RPS6KA3: variants seen among roughly 807,000 people sequenced by gnomAD.
RPS6KA3 encodes ribosomal protein S6 kinase A3.
RPS6KA3 carries 4 observed loss-of-function variants against 67.2 expected under a neutral mutation model. That is an observed-to-expected ratio of 0.06 (90% confidence interval 0.03 to 0.14). RPS6KA3 has a LOEUF of 0.14. RPS6KA3 is among the 10% of genes least tolerant of loss of function. The pLI, the probability that RPS6KA3 is intolerant of heterozygous loss-of-function variation, is 1.00. For synonymous variants in RPS6KA3, 182 were observed against 183.7 expected, an observed-to-expected ratio of 0.99 and a Z score of 0.07; for missense variants, 204 against 559.0, an observed-to-expected ratio of 0.36 and a Z score of 6.40.
chrX:20,245,719 T>C (rs1455823277), intron 1 of RPS6KA3, among the ~76,000 whole-genome samples: 1 of 111,702 alleles, frequency 9.0e-6, no homozygotes, highest in Non-Finnish European at 1.9e-5. Flanking sequence ...GTTAAAGATA[T>C]ATTACCTGGA....
Position 20,165,006 on chromosome X carries a change from T to C in RPS6KA3, c.1657A>G (p.Asn553Asp). ...SNILYVDESG[N>D]PESIRICDFG... ...TCACAAATTCGAATAGATTCCGGAT[T>C]ACCAGATTCATCCACATAAAGAATG... Residue 553 changes from asparagine (N) to aspartate (D), a missense_variant, in exon 18 of 22, where the codon AAT (asparagine) becomes GAT (aspartate). By Grantham distance (23) the Asn-to-Asp change is conservative. Transcript: ENST00000379565. 1 of 1,204,476 alleles carries C rather than the reference T, an allele frequency of 8.3e-7. No individual in the cohort carries two copies. The highest frequency in any genetic ancestry group is 1.8e-5 in the South Asian group (1 of 56,851).
intron 1 of RPS6KA3, among the ~76,000 whole-genome samples, chrX:20,251,422 G>T (rs961545507): frequency 5.3e-5 from 6 of 112,913 alleles, no homozygotes; most frequent in Non-Finnish European, 9.4e-5. Flanking sequence ...GATTATAGGC[G>T]TAAGCCCCTC....
At chrX:20,211,448 T>C (rs966924703) in intron 2 of RPS6KA3, among the ~76,000 whole-genome samples, 5 of 110,235 alleles carry the variant, frequency 4.5e-5, no homozygotes, top group African/African-American at 1.3e-4. Flanking sequence ...AGGAAACCTA[T>C]AGGCTTATGA....
At chrX:20,234,000 T>C (rs1250792871) in intron 2 of RPS6KA3, among the ~76,000 whole-genome samples, 1 of 112,228 alleles carries the variant, frequency 8.9e-6, no homozygotes, top group African/African-American at 3.2e-5. Context: ...TTAATGAGTA[T>C]CCATTATGTG....
chrX:20,247,051 A>G (rs767787728), intron 1 of RPS6KA3, among the ~76,000 whole-genome samples: 1 of 112,631 alleles, frequency 8.9e-6, no homozygotes, highest in African/African-American at 3.2e-5. Context: ...TAATTTCTGA[A>G]AAGATAACCA....
At chrX:20,166,498 G>A (rs1461249580) in intron 17 of RPS6KA3, among the ~76,000 whole-genome samples, 1 of 111,324 alleles carries the variant, frequency 9.0e-6, no homozygotes, top group African/African-American at 3.3e-5. Flanking sequence ...CAAAAAGAAT[G>A]TATTGAAACT....
intron 17 of RPS6KA3, among the ~76,000 whole-genome samples, chrX:20,166,869 C>A (rs540889554): frequency 2.7e-5 from 3 of 110,117 alleles, no homozygotes; most frequent in African/African-American, 9.9e-5. Context: ...AGGCATGAGC[C>A]ATGACGCCCG....
chrX:20,222,682 T>C (rs1342600978), intron 2 of RPS6KA3, among the ~76,000 whole-genome samples: 4 of 111,875 alleles, frequency 3.6e-5, no homozygotes, highest in African/African-American at 9.7e-5. Flanking sequence ...AGAAATAACA[T>C]TGGTTATTGA....
At position 20,164,995 on chromosome X, in the gene RPS6KA3, A is replaced by C; in HGVS notation, c.1668T>G (p.Ser556=). 1 of 1,205,157 alleles carries C rather than the reference A, an allele frequency of 8.3e-7. No homozygotes were observed. The highest frequency in any genetic ancestry group is 1.1e-6 in the Non-Finnish European group (1 of 889,401). ...LYVDESGNPE[S]IRICDFGFAK... The stretch of plus-strand genomic sequence containing the variant: ...CAAAGCCAAAATCACAAATTCGAAT[A>C]GATTCCGGATTACCAGATTCATCCA... The change falls in exon 18 of 22, where the codon TCT becomes TCG. Residue 556 remains serine, a synonymous_variant. Transcript: ENST00000379565.
chrX:20,160,689 A>G (rs1257281844), intron 20 of RPS6KA3, among the ~76,000 whole-genome samples: 1 of 111,849 alleles, frequency 8.9e-6, no homozygotes, highest in Non-Finnish European at 1.9e-5. Context: ...TCGGCCTCCC[A>G]AAGTGTTAGG....
chrX:20,249,247 ATAGTACAAATAAAGCTGC>A (rs1370686347), intron 1 of RPS6KA3, among the ~76,000 whole-genome samples: 3 of 112,129 alleles, frequency 2.7e-5, no homozygotes, highest in Non-Finnish European at 5.6e-5. Context: ...TAATTTTTGG[ATAGTACAAATAAAGCTGC>A]TAGGAACATC....
At chrX:20,163,591 C>T (rs893009583) in intron 18 of RPS6KA3, among the ~76,000 whole-genome samples, 12 of 111,489 alleles carry the variant, frequency 1.1e-4, no homozygotes, top group African/African-American at 3.9e-4. Context: ...CAGTCCAGCA[C>T]TTTGGGAGGC....
intron 5 of RPS6KA3, among the ~76,000 whole-genome samples, chrX:20,194,812 A>T (rs1192416486): frequency 9.0e-6 from 1 of 111,174 alleles, no homozygotes; most frequent in Non-Finnish European, 1.9e-5. Context: ...TAAAAAAGCA[A>T]TAATTATCAT....
At chrX:20,212,147 C>T (rs1252912982) in intron 2 of RPS6KA3, among the ~76,000 whole-genome samples, 1 of 111,631 alleles carries the variant, frequency 9.0e-6, no homozygotes, top group Non-Finnish European at 1.9e-5. Context: ...ACAATTACTA[C>T]TCTCATCTTT....
intron 2 of RPS6KA3, among the ~76,000 whole-genome samples, chrX:20,222,571 A>G (rs1186007875): frequency 1.8e-5 from 2 of 112,031 alleles, no homozygotes; most frequent in African/African-American, 6.5e-5. Flanking sequence ...ATCTATTGCC[A>G]TAAGACTGGT....
In RPS6KA3 at chrX:20,164,929, A is replaced by G. The variant is rs1457939217; in HGVS notation, c.1734T>C (p.Pro578=). 1 of 1,209,953 alleles carries G rather than the reference A, an allele frequency of 8.3e-7. No homozygotes were observed. The highest frequency in any genetic ancestry group is 1.1e-6 in the Non-Finnish European group (1 of 893,801). The change falls in exon 18 of 22, where the codon CCT becomes CCC. Residue 578 remains proline (P), a synonymous_variant. Coordinates refer to ENST00000379565, the MANE Select transcript of RPS6KA3 (RefSeq NM_004586.3). ...GTGCAACAAAATTTGCAGTGTAACA[A>G]GGAGTCATGAGAAGACCATTTTCCG... The part of the protein sequence containing the change: ...LRAENGLLMT[P]CYTANFVAPE...
intron 3 of RPS6KA3, among the ~76,000 whole-genome samples, chrX:20,209,054 T>C (rs989134990): frequency 8.9e-6 from 1 of 111,791 alleles, no homozygotes; most frequent in African/African-American, 3.3e-5. Context: ...AGAGGTCATG[T>C]GCTCTTGAAG....
Position 20,176,976 on chromosome X carries a change from A to G in RPS6KA3, c.934+20T>C. On this transcript the variant is annotated intron_variant, in intron 11 of 21. Transcript: ENST00000379565. ...ACACCAACAAACATACAACATAAACAAATTAGTTAAAATTTTTACCTAATC... is the reference window on the plus strand; with the variant it reads ...ACACCAACAAACATACAACATAAACGAATTAGTTAAAATTTTTACCTAATC... The G allele has an allele frequency of 9.1e-7, 1 of 1,092,979 alleles. No individual in the cohort carries two copies. The highest frequency in any genetic ancestry group is 1.3e-6 in the Non-Finnish European group (1 of 787,720). 90.1% of individuals were successfully genotyped at this position (1,092,979 alleles called of 1,213,427 possible). A position where few individuals can be genotyped will look rare whatever the true frequency, so the allele number is the denominator to read the frequency against.
intron 20 of RPS6KA3, 58 bp downstream of exon 20, chrX:20,161,586 C>T: frequency 1.8e-6 from 1 of 552,729 alleles, no homozygotes; most frequent in Non-Finnish European, 3.0e-6. Context: ...TATTTCTTCT[C>T]ACTATGGATC....
Sources: gnomAD v4.1 joint callset for allele counts (sites outside exome capture counted in the v4.1 genomes callset) on GRCh38, gnomAD v4.1.1 for gene constraint, MANE v1.5 for transcripts, NCBI Gene and HGNC (gene_info 2026-07-23, HGNC 2026-07-21) for gene names.